The following GIPC2 variants were observed in gnomAD, a reference collection of about 807,000 sequenced individuals.
GIPC2 encodes the protein GIPC PDZ domain containing family member 2, also known as PDZ domain-containing protein GIPC2.
A neutral mutation model predicts 30.6 loss-of-function variants in GIPC2; 30 were observed. The ratio of observed to expected loss-of-function variants is 0.98; its 90% CI spans 0.73 to 1.33. The LOEUF is 1.33. GIPC2 is among the 40% of genes most tolerant of loss of function. The pLI is 0.00. For missense variants in GIPC2, 414 were observed against 390.3 expected, an observed-to-expected ratio of 1.06 and a Z score of -0.51; for synonymous variants, 167 against 150.0, an observed-to-expected ratio of 1.11 and a Z score of -0.83.
chr1:78,116,753 C>G (rs1314905076), intron 3 of GIPC2, among the ~76,000 whole-genome samples: 1 of 152,196 alleles, frequency 6.6e-6, no homozygotes, highest in African/African-American at 2.4e-5. Flanking sequence ...CCCAGTCTAT[C>G]ATTGATGGAC....
chr1:78,088,358 T>A (rs547722415), intron 2 of GIPC2, among the ~76,000 whole-genome samples: 2 of 152,284 alleles, frequency 1.3e-5, no homozygotes, highest in Admixed American at 1.3e-4. Context: ...TAAATGCCAA[T>A]CAGCAGCAGA....
At chr1:78,110,156 G>T (rs1662439900) in intron 3 of GIPC2, among the ~76,000 whole-genome samples, 1 of 151,540 alleles carries the variant, frequency 6.6e-6, no homozygotes, top group African/African-American at 2.4e-5. Flanking sequence ...TGCACGTTGT[G>T]CACATGTAAC....
intron 1 of GIPC2, among the ~76,000 whole-genome samples, chr1:78,055,719 A>T (rs1003853952): frequency 1.6e-4 from 25 of 152,096 alleles, no homozygotes; most frequent in Admixed American, 4.6e-4. Context: ...AGGGTACAGC[A>T]CAGGTGGGAC....
chr1:78,126,550 GAA>G (rs66776463), intron 5 of GIPC2, among the ~76,000 whole-genome samples: 4 of 146,232 alleles, frequency 2.7e-5, no homozygotes, highest in East Asian at 2.0e-4. Flanking sequence ...CTGGCTTAAG[GAA>G]AAAAAAAAAG....
chr1:78,137,367 G>A lies in GIPC2; in HGVS notation c.*1624G>A, dbSNP rs1167727596. 6.6e-6 allele frequency: 1 copy of A among 152,084 alleles called. No homozygotes were observed. The highest frequency in any genetic ancestry group is 1.5e-5 in the Non-Finnish European group (1 of 68,006). 9.4% of individuals were successfully genotyped at this position (152,084 alleles called of 1,614,324 possible). A position where few individuals can be genotyped will look rare whatever the true frequency, so the allele number is the denominator to read the frequency against. On this transcript the variant is annotated 3_prime_UTR_variant, in exon 6 of 6. Transcript: ENST00000370759. ...TTATTTTTAGGCATAAGATGACTTAGGAGGCCCATAGAAACATTCTCGTTT... is the reference window on the plus strand; with the variant it reads ...TTATTTTTAGGCATAAGATGACTTAAGAGGCCCATAGAAACATTCTCGTTT...
intron 1 of GIPC2, among the ~76,000 whole-genome samples, chr1:78,070,199 G>A (rs1232338104): frequency 6.6e-6 from 1 of 152,056 alleles, no homozygotes; most frequent in Non-Finnish European, 1.5e-5. Context: ...TGGTAATTTG[G>A]AACGTTTAAT....
chr1:78,077,414 C>G (rs1661735836), intron 1 of GIPC2, among the ~76,000 whole-genome samples: 1 of 151,948 alleles, frequency 6.6e-6, no homozygotes, highest in Non-Finnish European at 1.5e-5. Context: ...CAGTGATGCT[C>G]TAGAAAATGA....
chr1:78,050,881 G>A (rs993400788), intron 1 of GIPC2, among the ~76,000 whole-genome samples: 17 of 151,942 alleles, frequency 1.1e-4, no homozygotes, highest in African/African-American at 4.8e-5. Flanking sequence ...TGATCTGCCC[G>A]CCTCAGCCTC....
At chr1:78,094,905 A>G in intron 2 of GIPC2, 47 bp from the exon 3 acceptor site, 1 of 1,340,608 alleles carries the variant, frequency 7.5e-7, no homozygotes. Flanking sequence ...TGGTGCATTC[A>G]TTACACAGTT....
chr1:78,095,874 A>G (rs976880234), intron 3 of GIPC2, among the ~76,000 whole-genome samples: 19 of 152,094 alleles, frequency 1.2e-4, no homozygotes, highest in Non-Finnish European at 1.0e-4. Flanking sequence ...CACGCACCCT[A>G]TGTTCTTTCC....
Position 78,138,154 on chromosome 1 carries a change from C to T in GIPC2, c.*2411C>T, listed in dbSNP as rs1453721743. On this transcript the variant is annotated 3_prime_UTR_variant, in exon 6 of 6. Coordinates refer to ENST00000370759, the MANE Select transcript of GIPC2 (RefSeq NM_017655.6). ...ATGCAAATGATAATTGTATGTTGGG[C>T]TCGATGAGGCCTTGAACATAGCTGA... 3 of 152,110 alleles carry T rather than the reference C, an allele frequency of 2.0e-5. No individual in the cohort carries two copies. Among genetic ancestry groups the T allele is most frequent in the African/African-American group, 7.2e-5 (3 of 41,410 alleles). The allele number at this position is 152,110 out of a possible 1,614,324, so 9.4% of individuals were successfully genotyped here.
chr1:78,056,757 C>G (rs745453600), intron 1 of GIPC2, among the ~76,000 whole-genome samples: 5 of 152,238 alleles, frequency 3.3e-5, no homozygotes, highest in African/African-American at 1.2e-4. Flanking sequence ...CCCCTTCCCA[C>G]TTGCACCCAA....
intron 5 of GIPC2, among the ~76,000 whole-genome samples, chr1:78,128,661 C>T (rs745314139): frequency 1.4e-4 from 21 of 152,166 alleles, no homozygotes; most frequent in Middle Eastern, 3.4e-3. Context: ...TACACACATA[C>T]GCATAGATGT....
At chr1:78,121,770 GC>G (rs1662688777) in intron 4 of GIPC2, among the ~76,000 whole-genome samples, 1 of 152,136 alleles carries the variant, frequency 6.6e-6, no homozygotes, top group Non-Finnish European at 1.5e-5. Context: ...TCCCTCTGTG[GC>G]CCAGCACACT....
At chr1:78,056,656 ATG>A (rs2102638179) in intron 1 of GIPC2, among the ~76,000 whole-genome samples, 1 of 152,330 alleles carries the variant, frequency 6.6e-6, no homozygotes, top group African/African-American at 2.4e-5. Context: ...CATAAAACAA[ATG>A]TGTAAATTAA....
In GIPC2 at chr1:78,136,776, A is replaced by C. The variant is rs1377303281; in HGVS notation, c.*1033A>C. The C allele has an allele frequency of 6.6e-6, 1 of 152,044 alleles. No homozygotes were observed. The highest frequency in any genetic ancestry group is 2.4e-5 in the African/African-American group (1 of 41,420). 9.4% of individuals were successfully genotyped at this position (152,044 alleles called of 1,614,324 possible). On this transcript the variant is annotated 3_prime_UTR_variant, in exon 6 of 6. Transcript: ENST00000370759. ...TTAGAGTTCTAATACACTCTAAATT[A>C]AAGAGAAAATTGAGAGTAAATGACT...
chr1:78,082,618 T>C (rs1661851663), intron 2 of GIPC2, among the ~76,000 whole-genome samples: 1 of 152,214 alleles, frequency 6.6e-6, no homozygotes, highest in African/African-American at 2.4e-5. Context: ...ATTCAGAGCT[T>C]GTCTTTCTAT....
chr1:78,121,148 G>A (rs1211742089), intron 4 of GIPC2, among the ~76,000 whole-genome samples: 1 of 152,182 alleles, frequency 6.6e-6, no homozygotes, highest in Non-Finnish European at 1.5e-5. Context: ...AGAAGGAGAA[G>A]TGACAACTAG....
At chr1:78,080,632 A>C (rs1429046576) in intron 1 of GIPC2, 43 bp from the exon 2 acceptor site, 2 of 1,099,128 alleles carry the variant, frequency 1.8e-6, no homozygotes, top group Admixed American at 4.1e-5. Flanking sequence ...GGTCAGATGT[A>C]TTCCAAGTGG....
Sources: allele counts gnomAD v4.1 joint callset (sites outside exome capture counted in the v4.1 genomes callset), GRCh38; gene constraint gnomAD v4.1.1; transcripts MANE v1.5; gene names NCBI Gene and HGNC (gene_info 2026-07-23, HGNC 2026-07-21).